The following DOCK1 variants were observed in gnomAD, a reference collection of about 807,000 sequenced individuals.
The protein encoded by DOCK1 is dedicator of cytokinesis 1.
In DOCK1, 138 loss-of-function variants were observed where a neutral mutation model predicts 262.7. The ratio of observed to expected loss-of-function variants is 0.53; its 90% CI spans 0.46 to 0.61. The LOEUF (loss-of-function observed/expected upper bound fraction) is 0.61, where lower values mean the gene tolerates loss of function less well. Among genes scored for constraint, DOCK1 ranks in the 20% least tolerant of loss-of-function variants. DOCK1 has a pLI of 0.00. For synonymous variants in DOCK1, 866 were observed against 867.4 expected, an observed-to-expected ratio of 1.00 and a Z score of 0.03; for missense variants, 1,908 against 2,370.7, an observed-to-expected ratio of 0.80 and a Z score of 4.05.
intron 10 of DOCK1, 78 bp from the exon 11 acceptor site, chr10:127,008,654 T>G (rs2041205525): frequency 8.2e-7 from 1 of 1,220,104 alleles, no homozygotes; most frequent in African/African-American, 1.5e-5. Flanking sequence ...GAAGATATTC[T>G]GATGTTCCTT....
intron 23 of DOCK1, among the ~76,000 whole-genome samples, chr10:127,075,879 C>T (rs1399531457): frequency 6.6e-6 from 1 of 152,128 alleles, no homozygotes. Flanking sequence ...TGCTAGATTC[C>T]TGTGTGTTAT....
intron 1 of DOCK1, among the ~76,000 whole-genome samples, chr10:126,937,304 A>C (rs995223831): frequency 6.6e-6 from 1 of 152,214 alleles, no homozygotes; most frequent in Non-Finnish European, 1.5e-5. Flanking sequence ...ATGGGTGTAC[A>C]AATATCTCTT....
At chr10:126,926,335 G>A (rs992001793) in intron 1 of DOCK1, among the ~76,000 whole-genome samples, 75 of 151,436 alleles carry the variant, frequency 5.0e-4, no homozygotes, top group African/African-American at 1.7e-3. Flanking sequence ...CTCTCAGCTC[G>A]AAAATAGGTA....
At chr10:127,202,641 C>G (rs557923221) in intron 27 of DOCK1, among the ~76,000 whole-genome samples, 3 of 152,308 alleles carry the variant, frequency 2.0e-5, no homozygotes, top group South Asian at 4.1e-4. Flanking sequence ...TCCCCAAGCC[C>G]TGACTGAATA....
At chr10:127,003,078 C>T (rs960645808) in intron 10 of DOCK1, among the ~76,000 whole-genome samples, 35 of 151,682 alleles carry the variant, frequency 2.3e-4, no homozygotes, top group Non-Finnish European at 3.1e-4. Context: ...CTGCGTGAAC[C>T]TTTATGAACC....
chr10:127,392,409 G>A (rs1184391706), intron 38 of DOCK1, among the ~76,000 whole-genome samples: 2 of 152,082 alleles, frequency 1.3e-5, no homozygotes, highest in Non-Finnish European at 1.5e-5. Flanking sequence ...CTCTGAGGGA[G>A]CTGTGCCGTG....
intron 38 of DOCK1, among the ~76,000 whole-genome samples, chr10:127,385,328 T>C (rs1218672720): frequency 4.6e-5 from 7 of 152,120 alleles, no homozygotes; most frequent in Admixed American, 4.6e-4. Context: ...AAATTATAGA[T>C]TCCACTTGAC....
chr10:127,107,849 T>G (rs2048624300), intron 24 of DOCK1, among the ~76,000 whole-genome samples: 1 of 152,246 alleles, frequency 6.6e-6, no homozygotes, highest in South Asian at 2.1e-4. Context: ...ACTCTAGGCC[T>G]GTCTCATGGT....
intron 40 of DOCK1, among the ~76,000 whole-genome samples, chr10:127,407,641 A>C (rs986978852): frequency 6.6e-6 from 1 of 152,184 alleles, no homozygotes; most frequent in African/African-American, 2.4e-5. Flanking sequence ...AAAAATATGC[A>C]GCAAAATGCT....
chr10:127,110,223 A>G (rs778397951), intron 24 of DOCK1, 25 bp from the exon 25 acceptor site: 1 of 1,587,206 alleles, frequency 6.3e-7, no homozygotes, highest in South Asian at 1.1e-5. Context: ...TCTCAAAATT[A>G]TTTCCCTTGT....
intron 1 of DOCK1, among the ~76,000 whole-genome samples, chr10:126,927,946 G>A (rs1226242158): frequency 1.3e-5 from 2 of 152,072 alleles, no homozygotes; most frequent in Non-Finnish European, 2.9e-5. Context: ...GAAGACACCT[G>A]CCGTGCAGGT....
intron 27 of DOCK1, among the ~76,000 whole-genome samples, chr10:127,212,501 C>A (rs960772472): frequency 6.6e-6 from 1 of 152,076 alleles, no homozygotes. Flanking sequence ...CGGGCAGGTG[C>A]GAACGGTGGA....
intron 46 of DOCK1, among the ~76,000 whole-genome samples, chr10:127,421,345 G>A (rs2068496835): frequency 6.6e-6 from 1 of 152,094 alleles, no homozygotes; most frequent in Non-Finnish European, 1.5e-5. Context: ...CAAGGTACGA[G>A]TCCTCTTAAA....
intron 31 of DOCK1, among the ~76,000 whole-genome samples, chr10:127,348,428 G>A (rs2063740942): frequency 6.6e-6 from 1 of 152,208 alleles, no homozygotes; most frequent in Non-Finnish European, 1.5e-5. Flanking sequence ...GTGGGACAGT[G>A]TGTTGAATGA....
intron 29 of DOCK1, among the ~76,000 whole-genome samples, chr10:127,317,872 G>A (rs951852048): frequency 3.3e-5 from 5 of 152,102 alleles, no homozygotes; most frequent in African/African-American, 1.2e-4. Context: ...TGTTTGGTTC[G>A]CATTCATTGA....
chr10:126,922,394 G>C (rs1016388946), intron 1 of DOCK1, among the ~76,000 whole-genome samples: 1 of 152,004 alleles, frequency 6.6e-6, no homozygotes, highest in Non-Finnish European at 1.5e-5. Flanking sequence ...GAGGGGAGGA[G>C]CTGCCACACT....
rs1399534546 is a variant in DOCK1 at position 127,418,465 on chromosome 10, C to T, written c.4616C>T (p.Pro1539Leu). 1 of 1,613,968 alleles carries T rather than the reference C, an allele frequency of 6.2e-7. No individual in the cohort carries two copies. The highest frequency in any genetic ancestry group is 1.3e-5 in the African/African-American group (1 of 74,910). ...VQQHLDDPSL[P>L]INPLSMLLNG... Reference sequence around the variant, plus strand: ...CAGCACCTGGATGACCCCAGCCTGCCCATCAACCCGCTCTCCATGCTCCTG... The same window carrying T: ...CAGCACCTGGATGACCCCAGCCTGCTCATCAACCCGCTCTCCATGCTCCTG... Residue 1539 changes from proline (P) to leucine (L), a missense_variant, in exon 45 of 52, where the codon CCC (proline) becomes CTC (leucine). Pro to Leu is a moderately conservative substitution (Grantham distance 98). Around this residue, in one of 9 missense-constraint regions of DOCK1, gnomAD observed 57 missense variants for 103.1 expected, o/e 0.55. Transcript: ENST00000623213.
At chr10:127,186,507 G>GGC (rs2056257465) in intron 27 of DOCK1, among the ~76,000 whole-genome samples, 1 of 5,912 alleles carries the variant, frequency 1.7e-4, no homozygotes, top group African/African-American at 3.2e-4. Context: ...GGGAGAAACC[G>GGC]CCCCCCCGCC....
intron 4 of DOCK1, 145 bp from the exon 5 acceptor site, chr10:126,987,376 A>C: frequency 3.3e-6 from 2 of 606,784 alleles, no homozygotes; most frequent in Non-Finnish European, 5.9e-6. Context: ...ATGTATTTAT[A>C]TGTGTGCATG....
Sources: gnomAD v4.1 joint callset for allele counts (sites outside exome capture counted in the v4.1 genomes callset) on GRCh38, gnomAD v4.1.1 for gene constraint, gnomAD v4.1.1 regional missense constraint, MANE v1.5 for transcripts, NCBI Gene and HGNC (gene_info 2026-07-23, HGNC 2026-07-21) for gene names.